Variants in TMEM132D observed in about 807,000 individuals in gnomAD.
TMEM132D encodes mature OL transmembrane protein.
Under a neutral mutation model 62.3 loss-of-function variants are expected in TMEM132D, and 21 were observed. The ratio of observed to expected loss-of-function variants is 0.34; its 90% confidence interval spans 0.24 to 0.49. TMEM132D has a LOEUF of 0.49. Ranked by LOEUF, TMEM132D falls within the 20% of genes least tolerant of loss-of-function variation. TMEM132D has a pLI of 0.99. For synonymous variants in TMEM132D, 621 were observed against 575.6 expected, an observed-to-expected ratio of 1.08 and a Z score of -1.13; for missense variants, 1,346 against 1,402.8, an observed-to-expected ratio of 0.96 and a Z score of 0.65.
At chr12:129,278,493 C>G (rs1593320840) in intron 4 of TMEM132D, among the ~76,000 whole-genome samples, 2 of 152,232 alleles carry the variant, frequency 1.3e-5, no homozygotes, top group East Asian at 3.9e-4. Flanking sequence ...CATCTTAACC[C>G]CCGTCTTGCA....
At position 129,337,661 on chromosome 12, in the gene TMEM132D, G is replaced by T; in HGVS notation, c.1272C>A (p.Asp424Glu). ...GVSKIYVSPK[D>E]LIGVVPLAME... Reference sequence around the variant, plus strand: ...TAGCCAGCGGCACAACTCCAATCAAGTCCTTTGGGCTCACATAGATCTTGG... The same window carrying T: ...TAGCCAGCGGCACAACTCCAATCAATTCCTTTGGGCTCACATAGATCTTGG... Residue 424 changes from aspartate (D) to glutamate (E), a missense_variant, in exon 4 of 9, where the codon GAC becomes GAA. Transcript: ENST00000422113. The T allele has an allele frequency of 1.9e-6, 3 of 1,614,074 alleles. No homozygotes were observed. The highest frequency in any genetic ancestry group is 3.3e-4 in the Middle Eastern group (2 of 6,062).
At chr12:129,248,056 A>G (rs1880169960) in intron 4 of TMEM132D, among the ~76,000 whole-genome samples, 1 of 152,202 alleles carries the variant, frequency 6.6e-6, no homozygotes. Flanking sequence ...CCTCGATATC[A>G]TTAACTAAGT....
chr12:129,623,568 T>C (rs1879127539), intron 2 of TMEM132D, among the ~76,000 whole-genome samples: 1 of 151,966 alleles, frequency 6.6e-6, no homozygotes, highest in African/African-American at 2.4e-5. Context: ...TGGTCTCCAG[T>C]TCCATCTAAG....
At chr12:129,786,705 A>C (rs1871256684) in intron 1 of TMEM132D, among the ~76,000 whole-genome samples, 1 of 152,220 alleles carries the variant, frequency 6.6e-6, no homozygotes, top group African/African-American at 2.4e-5. Context: ...AGCCTGGCCA[A>C]CATGGTGAAA....
At chr12:129,443,756 G>A (rs1340486109) in intron 3 of TMEM132D, among the ~76,000 whole-genome samples, 1 of 152,184 alleles carries the variant, frequency 6.6e-6, no homozygotes, top group Non-Finnish European at 1.5e-5. Context: ...GTAGTTCAGA[G>A]GATGTGTGTC....
At chr12:129,193,802 C>G (rs1458789205) in intron 5 of TMEM132D, among the ~76,000 whole-genome samples, 1 of 152,188 alleles carries the variant, frequency 6.6e-6, no homozygotes, top group Admixed American at 6.5e-5. Context: ...GTTCCCCAGT[C>G]TTGAATTCCT....
chr12:129,282,156 G>T (rs574510100), intron 4 of TMEM132D, among the ~76,000 whole-genome samples: 2 of 152,296 alleles, frequency 1.3e-5, no homozygotes, highest in Non-Finnish European at 2.9e-5. Context: ...CAAAAGATGA[G>T]ATAAGAGTGA....
At chr12:129,746,242 A>C (rs575068480) in intron 1 of TMEM132D, among the ~76,000 whole-genome samples, 1 of 152,316 alleles carries the variant, frequency 6.6e-6, no homozygotes, top group South Asian at 2.1e-4. Context: ...GGTGTACAAG[A>C]CCTGACAGGT....
rs147290193 is a variant in TMEM132D at position 129,086,272 on chromosome 12, C to T, written c.1444-1570G>A. Among the ~76,000 whole-genome samples the T allele has an allele frequency of 4.5e-3, 677 of 151,876 alleles. 3 individuals are homozygous for T. Among genetic ancestry groups the T allele is most frequent in the African/African-American group, 0.015 (631 of 41,394 alleles). On this transcript the variant is annotated intron_variant, in intron 5 of 8. Transcript: ENST00000422113. ...TCTTAAAATTCGTATATATTTAGGG[C>T]GTCCACATGGAGTTTTGTCACATGG...
chr12:129,382,665 T>C (rs78247216), intron 3 of TMEM132D, among the ~76,000 whole-genome samples: 5,622 of 152,276 alleles, frequency 0.037, 139 homozygotes, highest in South Asian at 0.11. Flanking sequence ...TTTTACACCA[T>C]AGCATCTCAT....
intron 1 of TMEM132D, among the ~76,000 whole-genome samples, chr12:129,805,631 G>A (rs1871954100): frequency 6.6e-6 from 1 of 151,788 alleles, no homozygotes; most frequent in Non-Finnish European, 1.5e-5. Flanking sequence ...CATAGGCATG[G>A]GCAAGGACTT....
At chr12:129,343,356 C>A (rs1412172805) in intron 3 of TMEM132D, among the ~76,000 whole-genome samples, 1 of 147,864 alleles carries the variant, frequency 6.8e-6, no homozygotes, top group African/African-American at 2.5e-5. Context: ...TGTTCTCACT[C>A]ATAGGTGGGA....
At chr12:129,647,088 CT>C (rs2137179855) in intron 2 of TMEM132D, among the ~76,000 whole-genome samples, 1 of 144,952 alleles carries the variant, frequency 6.9e-6, no homozygotes, top group South Asian at 2.3e-4. Flanking sequence ...GGGTGAGCCA[CT>C]GCGCCCAACC....
intron 2 of TMEM132D, among the ~76,000 whole-genome samples, chr12:129,678,955 T>TC (rs1880709934): frequency 6.6e-6 from 1 of 152,096 alleles, no homozygotes; most frequent in African/African-American, 2.4e-5. Flanking sequence ...TTGGGCTTTT[T>TC]CTGTTCATTT....
intron 3 of TMEM132D, among the ~76,000 whole-genome samples, chr12:129,416,347 GCTCT>G (rs763253641): frequency 3.3e-5 from 5 of 151,968 alleles, no homozygotes; most frequent in African/African-American, 9.7e-5. Flanking sequence ...TCATGATTTG[GCTCT>G]CTGTCTATTA....
intron 5 of TMEM132D, among the ~76,000 whole-genome samples, chr12:129,145,412 G>GT (rs1194110758): frequency 6.6e-6 from 1 of 152,144 alleles, no homozygotes; most frequent in East Asian, 1.9e-4. Flanking sequence ...TTTCTACACA[G>GT]TTTCTGTGAG....
chr12:129,609,755 T>A (rs1878720645), intron 2 of TMEM132D, among the ~76,000 whole-genome samples: 1 of 152,222 alleles, frequency 6.6e-6, no homozygotes, highest in Non-Finnish European at 1.5e-5. Context: ...GAGCTCTGTA[T>A]GCTGCCCTGG....
chr12:129,517,259 T>C (rs1875709671), intron 3 of TMEM132D, among the ~76,000 whole-genome samples: 1 of 152,114 alleles, frequency 6.6e-6, no homozygotes, highest in African/African-American at 2.4e-5. Flanking sequence ...GGTGATGATA[T>C]TTTTTTTACT....
chr12:129,662,667 C>A (rs1292672344), intron 2 of TMEM132D, among the ~76,000 whole-genome samples: 3 of 151,966 alleles, frequency 2.0e-5, no homozygotes, highest in African/African-American at 7.3e-5. Context: ...GTGGCACACG[C>A]CTGTAGTCCC....
Sources: allele counts gnomAD v4.1 joint callset (sites outside exome capture counted in the v4.1 genomes callset), GRCh38; gene constraint gnomAD v4.1.1; transcripts MANE v1.5; gene names NCBI Gene and HGNC (gene_info 2026-07-23, HGNC 2026-07-21).